The following ADAMTS17 variants were observed in gnomAD, a reference collection of about 807,000 sequenced individuals.
ADAMTS17 encodes the protein A disintegrin and metalloproteinase with thrombospondin motifs 17.
ADAMTS17 carries 113 observed loss-of-function variants against 141.5 expected under a neutral mutation model. That is an observed-to-expected ratio of 0.80 (90% CI 0.69 to 0.93). The LOEUF (loss-of-function observed/expected upper bound fraction) is 0.93. Among genes scored for constraint, ADAMTS17 ranks in the 40% least tolerant of loss-of-function variants. The pLI, the probability that ADAMTS17 is intolerant of heterozygous loss-of-function variation, is 0.00. For missense variants in ADAMTS17, 1,659 were observed against 1,517.9 expected, an observed-to-expected ratio of 1.09 and a Z score of -1.54; for synonymous variants, 768 against 630.6, an observed-to-expected ratio of 1.22 and a Z score of -3.27.
chr15:99,992,752 C>G (rs116561986), intron 20 of ADAMTS17, among the ~76,000 whole-genome samples: 2,232 of 152,350 alleles, frequency 0.015, 53 homozygotes, highest in African/African-American at 0.05. Context: ...GCAAGCCTGG[C>G]ATCCAGGGCA....
At chr15:99,988,399 A>G (rs984860111) in intron 20 of ADAMTS17, among the ~76,000 whole-genome samples, 4 of 152,194 alleles carry the variant, frequency 2.6e-5, no homozygotes, top group African/African-American at 9.6e-5. Flanking sequence ...TACTGCAAGT[A>G]AAAGCCTCCT....
intron 15 of ADAMTS17, among the ~76,000 whole-genome samples, chr15:100,091,969 C>T (rs1254216959): frequency 6.6e-6 from 1 of 152,176 alleles, no homozygotes; most frequent in African/African-American, 2.4e-5. Context: ...TGCCTTGGTT[C>T]GCCCCTCAGA....
chr15:100,324,135 T>C (rs895090597), intron 3 of ADAMTS17, among the ~76,000 whole-genome samples: 3 of 151,478 alleles, frequency 2.0e-5, no homozygotes, highest in Admixed American at 1.3e-4. Context: ...CGAAACCCCA[T>C]CTCTACTAAA....
intron 7 of ADAMTS17, among the ~76,000 whole-genome samples, chr15:100,205,414 A>G (rs1392562954): frequency 6.6e-6 from 1 of 152,226 alleles, no homozygotes; most frequent in Non-Finnish European, 1.5e-5. Flanking sequence ...GGTGATGTTC[A>G]AAAGGCCACA....
intron 18 of ADAMTS17, among the ~76,000 whole-genome samples, chr15:100,047,102 A>G (rs2031756328): frequency 6.6e-6 from 1 of 151,882 alleles, no homozygotes; most frequent in Admixed American, 6.6e-5. Context: ...GCCGTCTTCT[A>G]TGGTTGAGAC....
At chr15:100,158,051 G>C (rs1368789527) in intron 8 of ADAMTS17, among the ~76,000 whole-genome samples, 1 of 152,138 alleles carries the variant, frequency 6.6e-6, no homozygotes, top group Non-Finnish European at 1.5e-5. Flanking sequence ...AGCACGCCTG[G>C]CTAATTTTTG....
intron 10 of ADAMTS17, among the ~76,000 whole-genome samples, chr15:100,152,224 A>G (rs2039201111): frequency 2.6e-5 from 4 of 152,192 alleles, no homozygotes; most frequent in Admixed American, 2.6e-4. Context: ...GCAGTGTTTG[A>G]AGTCAGGCGA....
intron 2 of ADAMTS17, among the ~76,000 whole-genome samples, chr15:100,331,571 A>G (rs1174585152): frequency 1.3e-5 from 2 of 152,076 alleles, no homozygotes; most frequent in African/African-American, 4.8e-5. Context: ...TGCAGAGTCA[A>G]AATGGTAAAT....
chr15:100,058,073 G>A (rs2032746671), intron 15 of ADAMTS17, among the ~76,000 whole-genome samples: 2 of 151,372 alleles, frequency 1.3e-5, no homozygotes, highest in Non-Finnish European at 1.5e-5. Context: ...ACCCCTGAGA[G>A]GCAGAAGGCC....
chr15:100,280,608 A>G (rs1185821821), intron 4 of ADAMTS17, among the ~76,000 whole-genome samples: 1 of 152,010 alleles, frequency 6.6e-6, no homozygotes, highest in African/African-American at 2.4e-5. Context: ...CCACACCCTT[A>G]TGGCTCCCCG....
intron 7 of ADAMTS17, among the ~76,000 whole-genome samples, chr15:100,203,252 A>G (rs996435976): frequency 3.9e-5 from 6 of 152,340 alleles, no homozygotes; most frequent in Non-Finnish European, 8.8e-5. Flanking sequence ...ACACTCTTGA[A>G]AAAATCTGAA....
chr15:100,328,031 C>A (rs1055491264), intron 3 of ADAMTS17, among the ~76,000 whole-genome samples: 10 of 152,132 alleles, frequency 6.6e-5, no homozygotes, highest in African/African-American at 2.4e-4. Flanking sequence ...TTCTCCTCAC[C>A]TACAAGAGCC....
At chr15:100,160,058 C>T (rs1421489582) in intron 8 of ADAMTS17, among the ~76,000 whole-genome samples, 3 of 88,256 alleles carry the variant, frequency 3.4e-5, no homozygotes, top group African/African-American at 9.7e-5. Flanking sequence ...TGGAATGGCC[C>T]CCCAGTAAAG....
At chr15:99,978,305 C>T (rs182799743) in intron 20 of ADAMTS17, among the ~76,000 whole-genome samples, 27 of 152,256 alleles carry the variant, frequency 1.8e-4, no homozygotes, top group African/African-American at 6.0e-4. Context: ...TTTTGTGTGT[C>T]TTTTTTCACT....
intron 8 of ADAMTS17, among the ~76,000 whole-genome samples, chr15:100,181,758 G>C (rs1319468903): frequency 6.6e-6 from 1 of 152,204 alleles, no homozygotes; most frequent in Non-Finnish European, 1.5e-5. Flanking sequence ...TATTTTTGTT[G>C]CTGCAAGCAG....
At position 100,257,734 on chromosome 15, in the gene ADAMTS17, A is replaced by G. The variant is rs116721002; in HGVS notation, c.1032-3555T>C. ...TGTTTAGTTAAAACAGAACATTTTT[A>G]CTACTAATTTTTTTATTGTGCTAAT... On this transcript the variant is annotated intron_variant, in intron 6 of 21. Transcript: ENST00000268070. Among the ~76,000 whole-genome samples the G allele has an allele frequency of 4.9e-3, 741 of 152,314 alleles. 5 individuals carry two copies. Among genetic ancestry groups the G allele is most frequent in the African/African-American group, 0.017 (698 of 41,572 alleles).
At chr15:100,005,388 G>C (rs944979285) in intron 18 of ADAMTS17, among the ~76,000 whole-genome samples, 2 of 152,160 alleles carry the variant, frequency 1.3e-5, no homozygotes, top group Non-Finnish European at 2.9e-5. Context: ...TCCTCCTGGA[G>C]ACTCCAGGGA....
chr15:100,124,344 A>G (rs2037610126), intron 12 of ADAMTS17, among the ~76,000 whole-genome samples: 1 of 152,248 alleles, frequency 6.6e-6, no homozygotes, highest in South Asian at 2.1e-4. Context: ...CTTCACAAGA[A>G]AAGGATATCC....
intron 8 of ADAMTS17, among the ~76,000 whole-genome samples, chr15:100,159,157 G>T (rs769659412): frequency 1.3e-5 from 2 of 152,150 alleles, no homozygotes; most frequent in Non-Finnish European, 2.9e-5. Flanking sequence ...GAATCTCCAA[G>T]AGACATCACT....
Sources: allele counts gnomAD v4.1 joint callset (sites outside exome capture counted in the v4.1 genomes callset), GRCh38; gene constraint gnomAD v4.1.1; transcripts MANE v1.5; gene names NCBI Gene and HGNC (gene_info 2026-07-23, HGNC 2026-07-21).